KCNK9: variants seen among roughly 807,000 people sequenced by gnomAD.
KCNK9 encodes the protein potassium channel subfamily K member 9.
Under a neutral mutation model 10.8 loss-of-function variants are expected in KCNK9, and 1 was observed. The observed-to-expected ratio is 0.09, with a 90% CI of 0.03 to 0.44. The LOEUF (loss-of-function observed/expected upper bound fraction) is 0.44, where lower values mean the gene tolerates loss of function less well. Among genes scored for constraint, KCNK9 ranks in the 20% least tolerant of loss-of-function variants. The pLI is 0.97. For missense variants in KCNK9, 303 were observed against 515.0 expected (o/e 0.59, Z 3.98); for synonymous variants, 231 against 222.7 (o/e 1.04, Z -0.33).
At chr8:139,692,207 G>A (rs562444166) in intron 1 of KCNK9, among the ~76,000 whole-genome samples, 54 of 152,294 alleles carry the variant, frequency 3.5e-4, no homozygotes, top group African/African-American at 1.3e-3. Context: ...CCCACGCTTC[G>A]CAACCAAGAA....
Position 139,687,341 on chromosome 8 carries a change from CAT to C in KCNK9, c.283+15367_283+15368del, listed in dbSNP as rs370871194. 3.7e-4 allele frequency among the ~76,000 whole-genome samples: 31 copies of C among 82,898 alleles called. 1 individual carries two copies. The East Asian group carries it at 6.3e-3, about 17-fold the overall frequency. The allele number at this position is 82,898 out of a possible 152,430, so 54.4% of individuals were successfully genotyped here. On this transcript the variant is annotated intron_variant, in intron 1 of 1. Coordinates refer to ENST00000520439, the MANE Select transcript of KCNK9 (RefSeq NM_001282534.2). Reference sequence around the variant, plus strand: ...AGTTTTCACTATGTAGATTTTCATACATATATATATATGTATACATATATATG... The same window carrying C: ...AGTTTTCACTATGTAGATTTTCATACATATATATATGTATACATATATATG...
intron 1 of KCNK9, among the ~76,000 whole-genome samples, chr8:139,660,646 A>T (rs942590169): frequency 1.3e-5 from 2 of 151,950 alleles, no homozygotes; most frequent in African/African-American, 4.8e-5. Context: ...AAAAAAAATA[A>T]ATCTGGATAA....
At chr8:139,604,096 G>A (rs1817432792) in intron 2 of KCNK9, among the ~76,000 whole-genome samples, 2 of 152,210 alleles carry the variant, frequency 1.3e-5, no homozygotes, top group Admixed American at 1.3e-4. Context: ...GTTTGGGGTA[G>A]GAGGAGCAGA....
At chr8:139,679,856 C>T (rs1816645976) in intron 1 of KCNK9, among the ~76,000 whole-genome samples, 1 of 152,202 alleles carries the variant, frequency 6.6e-6, no homozygotes, top group African/African-American at 2.4e-5. Flanking sequence ...GTGGTGTCCC[C>T]AACCCCCAAC....
At chr8:139,643,076 C>T (rs139227277) in intron 1 of KCNK9, among the ~76,000 whole-genome samples, 78 of 152,280 alleles carry the variant, frequency 5.1e-4, no homozygotes, top group African/African-American at 1.8e-3. Flanking sequence ...TGCCTGACCC[C>T]CTTGGCCAGG....
intron 1 of KCNK9, among the ~76,000 whole-genome samples, chr8:139,669,040 G>A (rs569416712): frequency 1.9e-4 from 29 of 151,914 alleles, no homozygotes; most frequent in African/African-American, 5.6e-4. Flanking sequence ...ACACTATACT[G>A]TTGTCTATTA....
At chr8:139,647,441 AG>A (rs1396619455) in intron 1 of KCNK9, among the ~76,000 whole-genome samples, 2 of 151,618 alleles carry the variant, frequency 1.3e-5, no homozygotes, top group Non-Finnish European at 2.9e-5. Flanking sequence ...CTCATGTGGG[AG>A]GGGGCAGGGC....
chr8:139,690,632 G>A (rs1374033320), intron 1 of KCNK9, among the ~76,000 whole-genome samples: 1 of 152,156 alleles, frequency 6.6e-6, no homozygotes, highest in East Asian at 1.9e-4. Flanking sequence ...AATCACTGAG[G>A]CTAATCCTTC....
intron 1 of KCNK9, among the ~76,000 whole-genome samples, chr8:139,662,413 C>A (rs561052688): frequency 1.3e-5 from 2 of 152,264 alleles, no homozygotes; most frequent in East Asian, 3.9e-4. Context: ...TGGGTGAGTT[C>A]TTTATGCTGA....
At chr8:139,645,197 T>G (rs115883233) in intron 1 of KCNK9, among the ~76,000 whole-genome samples, 3,242 of 152,264 alleles carry the variant, frequency 0.021, 111 homozygotes, top group African/African-American at 0.072. Context: ...CTCCAGGTGC[T>G]GTGGGCCCGA....
At chr8:139,641,290 T>A (rs1419172034) in intron 1 of KCNK9, among the ~76,000 whole-genome samples, 5 of 152,164 alleles carry the variant, frequency 3.3e-5, no homozygotes, top group Non-Finnish European at 1.5e-5. Flanking sequence ...CCTCACCGCA[T>A]GGGGCTGCTG....
At chr8:139,687,681 TATTC>T (rs1265740043) in intron 1 of KCNK9, among the ~76,000 whole-genome samples, 11 of 136,552 alleles carry the variant, frequency 8.1e-5, no homozygotes, top group Non-Finnish European at 1.1e-4. Flanking sequence ...TATACATATA[TATTC>T]ATATGTATAC....
intron 2 of KCNK9, among the ~76,000 whole-genome samples, chr8:139,604,548 C>A (rs1817444774): frequency 1.3e-5 from 2 of 152,294 alleles, no homozygotes; most frequent in South Asian, 4.1e-4. Context: ...GTAGGAAAGA[C>A]CTGGCTTCTA....
At chr8:139,678,777 C>T (rs544600610) in intron 1 of KCNK9, among the ~76,000 whole-genome samples, 1 of 152,326 alleles carries the variant, frequency 6.6e-6, no homozygotes, top group East Asian at 1.9e-4. Context: ...CCTGATGCCA[C>T]GTGGGCTCCC....
chr8:139,606,136 C>T (rs909268296), intron 2 of KCNK9, among the ~76,000 whole-genome samples: 6 of 152,182 alleles, frequency 3.9e-5, no homozygotes, highest in African/African-American at 1.2e-4. Context: ...TGTTCAAATC[C>T]CGCTCACCAA....
chr8:139,611,791 C>T (rs1814433491), downstream of KCNK9: 1 of 152,254 alleles, frequency 6.6e-6, no homozygotes, highest in South Asian at 2.1e-4. Flanking sequence ...TCTCATAGAT[C>T]TGGATTGGTT....
chr8:139,627,482 C>T (rs1279044244), intron 1 of KCNK9, among the ~76,000 whole-genome samples: 2 of 152,154 alleles, frequency 1.3e-5, no homozygotes, highest in Non-Finnish European at 2.9e-5. Flanking sequence ...TCTGGAGCTC[C>T]TGCAGTCATT....
intron 1 of KCNK9, among the ~76,000 whole-genome samples, chr8:139,620,877 G>A (rs1814756340): frequency 6.6e-6 from 1 of 152,232 alleles, no homozygotes; most frequent in East Asian, 1.9e-4. Flanking sequence ...CTGAAGAGCA[G>A]AGAGGAATAA....
intron 1 of KCNK9, among the ~76,000 whole-genome samples, chr8:139,667,391 G>T (rs1816327519): frequency 6.6e-6 from 1 of 152,004 alleles, no homozygotes; most frequent in Admixed American, 6.6e-5. Context: ...GTGTGCAAAT[G>T]AATGTGCATA....
Sources: allele counts gnomAD v4.1 joint callset (sites outside exome capture counted in the v4.1 genomes callset), GRCh38; gene constraint gnomAD v4.1.1; transcripts MANE v1.5; gene names NCBI Gene and HGNC (gene_info 2026-07-23, HGNC 2026-07-21).